ZPLD1: variants seen among roughly 807,000 people sequenced by gnomAD.
ZPLD1 encodes zona pellucida-like domain-containing protein 1.
Under a neutral mutation model 47.2 loss-of-function variants are expected in ZPLD1, and 34 were observed. The ratio of observed to expected loss-of-function variants is 0.72; its 90% CI spans 0.55 to 0.96. The LOEUF (loss-of-function observed/expected upper bound fraction) is 0.96. Ranked by LOEUF, ZPLD1 falls within the 40% of genes least tolerant of loss-of-function variation. ZPLD1 has a pLI of 0.00. For synonymous variants in ZPLD1, 176 were observed against 186.2 expected (o/e 0.95, Z 0.45); for missense variants, 512 against 505.8 (o/e 1.01, Z -0.12).
At chr3:102,437,879 C>A (rs940500047) in intron 2 of ZPLD1, among the ~76,000 whole-genome samples, 5 of 152,204 alleles carry the variant, frequency 3.3e-5, no homozygotes, top group African/African-American at 1.2e-4. Flanking sequence ...AGAGTATTTT[C>A]CTGTTCTTCC....
intron 6 of ZPLD1, chr3:102,385,423 G>A (rs937869742): frequency 1.3e-5 from 2 of 152,092 alleles, no homozygotes; most frequent in African/African-American, 4.8e-5. Context: ...TTAATCTTTG[G>A]ATTTTTCCAA....
chr3:102,468,336 T>G (rs1435239430), intron 8 of ZPLD1, among the ~76,000 whole-genome samples: 1 of 152,208 alleles, frequency 6.6e-6, no homozygotes, highest in African/African-American at 2.4e-5. Flanking sequence ...TATTGTAAGA[T>G]TATTCATTAT....
chr3:102,455,379 G>A (rs1296037491), intron 4 of ZPLD1, among the ~76,000 whole-genome samples: 1 of 152,152 alleles, frequency 6.6e-6, no homozygotes, highest in East Asian at 1.9e-4. Context: ...AAGCTAAGCA[G>A]ACCCTAGAAA....
chr3:102,432,827 T>C (rs1452360103), upstream of ZPLD1, among the ~76,000 whole-genome samples: 1 of 152,182 alleles, frequency 6.6e-6, no homozygotes, highest in Non-Finnish European at 1.5e-5. Context: ...GTATACATTA[T>C]AGACACATAG....
intron 7 of ZPLD1, among the ~76,000 whole-genome samples, chr3:102,414,081 C>T (rs1256615097): frequency 6.6e-6 from 1 of 151,664 alleles, no homozygotes; most frequent in Non-Finnish European, 1.5e-5. Flanking sequence ...GTTCACATGC[C>T]CATTCACCAG....
chr3:102,432,728 C>G (rs1457440637), upstream of ZPLD1, among the ~76,000 whole-genome samples: 2 of 151,468 alleles, frequency 1.3e-5, no homozygotes, highest in Admixed American at 6.6e-5. Flanking sequence ...TTAAAGTGTC[C>G]AAGTTATTCC....
chr3:102,422,376 A>C (rs1416244666), intron 8 of ZPLD1, among the ~76,000 whole-genome samples: 2 of 152,058 alleles, frequency 1.3e-5, no homozygotes, highest in Non-Finnish European at 2.9e-5. Flanking sequence ...GATAGAAGCC[A>C]AGGATGCTGT....
rs564260078 is a variant in ZPLD1, at chr3:102,439,680, T to G, written c.106+1087T>G. ...TATCAATTATCAACATTTATAAATT[T>G]TGTTTGATCTTTGTCCTTACCACTC... On this transcript the variant is annotated intron_variant, in intron 3 of 11. Coordinates refer to ENST00000466937, the MANE Select transcript of ZPLD1 (RefSeq NM_001329788.2). 2.0e-5 allele frequency among the ~76,000 whole-genome samples: 3 copies of G among 152,210 alleles called. No homozygotes were observed. In the East Asian group the frequency reaches 5.8e-4, roughly 29 times the overall value.
intron 10 of ZPLD1, among the ~76,000 whole-genome samples, chr3:102,474,703 G>A (rs769329082): frequency 6.6e-6 from 1 of 152,176 alleles, no homozygotes; most frequent in African/African-American, 2.4e-5. Flanking sequence ...TGAGAAAGCA[G>A]AGAATGACAA....
At chr3:102,440,731 GAAAA>G (rs77649810) in intron 3 of ZPLD1, among the ~76,000 whole-genome samples, 6 of 112,866 alleles carry the variant, frequency 5.3e-5, no homozygotes, top group Non-Finnish European at 1.1e-4. Context: ...TTGTGATTGG[GAAAA>G]AAAAAAAAAA....
intron 7 of ZPLD1, among the ~76,000 whole-genome samples, chr3:102,407,254 GT>G (rs1339869807): frequency 6.7e-6 from 1 of 150,342 alleles, no homozygotes; most frequent in Non-Finnish European, 1.5e-5. Flanking sequence ...CAACTCTATT[GT>G]TTTGCAGCTG....
At chr3:102,466,590 C>G (rs1017833921) in intron 8 of ZPLD1, among the ~76,000 whole-genome samples, 3 of 151,708 alleles carry the variant, frequency 2.0e-5, no homozygotes, top group African/African-American at 7.3e-5. Context: ...AAGGATAGGA[C>G]AGTAAAAGCC....
intron 3 of ZPLD1, among the ~76,000 whole-genome samples, chr3:102,445,144 G>T (rs1259665101): frequency 6.6e-6 from 1 of 152,168 alleles, no homozygotes; most frequent in Non-Finnish European, 1.5e-5. Context: ...GTATTAAACT[G>T]CTATGGTTTA....
intron 7 of ZPLD1, among the ~76,000 whole-genome samples, chr3:102,403,898 A>C (rs1479857099): frequency 6.6e-6 from 1 of 152,036 alleles, no homozygotes. Flanking sequence ...ACAAGACCTT[A>C]ATTCCATGTA....
chr3:102,413,788 G>T (rs774031190), intron 7 of ZPLD1, among the ~76,000 whole-genome samples: 1 of 151,706 alleles, frequency 6.6e-6, no homozygotes, highest in Non-Finnish European at 1.5e-5. Context: ...AAGCTCAAAG[G>T]TTTAATCCAG....
exon 7 of ZPLD1, chr3:102,392,220 G>A (rs1032698875): frequency 1.3e-5 from 2 of 152,136 alleles, no homozygotes; most frequent in Admixed American, 1.3e-4. Flanking sequence ...GACAAGCTTA[G>A]CAACGGTAAG....
chr3:102,426,986 A>C (rs1487545038), intron 8 of ZPLD1, among the ~76,000 whole-genome samples: 2 of 152,236 alleles, frequency 1.3e-5, no homozygotes, highest in Non-Finnish European at 2.9e-5. Flanking sequence ...TAAAGAGCAA[A>C]GGCAGCTCTG....
intron 1 of ZPLD1, among the ~76,000 whole-genome samples, chr3:102,436,140 G>A (rs1356070472): frequency 1.3e-5 from 2 of 152,192 alleles, no homozygotes; most frequent in Non-Finnish European, 2.9e-5. Context: ...GAGTAGGACA[G>A]TGTCATGCCT....
intron 6 of ZPLD1, among the ~76,000 whole-genome samples, chr3:102,391,365 C>T (rs1464052034): frequency 6.6e-6 from 1 of 152,124 alleles, no homozygotes; most frequent in Non-Finnish European, 1.5e-5. Context: ...CAATGTCTCC[C>T]ATCTCCCATT....
Sources: allele counts gnomAD v4.1 joint callset (sites outside exome capture counted in the v4.1 genomes callset), GRCh38; gene constraint gnomAD v4.1.1; transcripts MANE v1.5; gene names NCBI Gene and HGNC (gene_info 2026-07-23, HGNC 2026-07-21).